The following SCN9A variants were observed in gnomAD, a reference collection of about 807,000 sequenced individuals.
The protein encoded by SCN9A is sodium voltage-gated channel alpha subunit 9.
Under a neutral mutation model 187.0 loss-of-function variants are expected in SCN9A, and 131 were observed. That is an observed-to-expected ratio of 0.70 (90% CI 0.61 to 0.81). The LOEUF is 0.81. Ranked by LOEUF, SCN9A falls within the 30% of genes least tolerant of loss-of-function variation. SCN9A has a pLI of 0.00. For synonymous variants in SCN9A, 809 were observed against 808.6 expected, an observed-to-expected ratio of 1.00 and a Z score of -0.01; for missense variants, 2,252 against 2,396.6, an observed-to-expected ratio of 0.94 and a Z score of 1.26.
intron 11 of SCN9A, among the ~76,000 whole-genome samples, chr2:166,285,487 T>A (rs1170920041): frequency 6.6e-6 from 1 of 152,130 alleles, no homozygotes; most frequent in Non-Finnish European, 1.5e-5. Context: ...ATGGAAAAAG[T>A]ATGGTAAGGT....
At chr2:166,369,553 T>C (rs1199373411) in intron 1 of SCN9A, among the ~76,000 whole-genome samples, 1 of 152,146 alleles carries the variant, frequency 6.6e-6, no homozygotes, top group Non-Finnish European at 1.5e-5. Context: ...AGTTTGTAAA[T>C]GGGGTAACAA....
In SCN9A at chr2:166,277,167, C is replaced by A; in HGVS notation, c.2690G>T (p.Cys897Phe). ...LFGKSYKECV[C>F]KINDDCTLPR... ...GAGCGTACAGTCATCATTGATCTTG[C>A]AGACACATTCTTTGTAGCTCTTACC... The change falls in exon 16 of 27, where the codon TGC (cysteine) becomes TTC (phenylalanine). Residue 897 changes from cysteine to phenylalanine, a missense_variant. Cys to Phe is a radical substitution (Grantham distance 205). This residue lies in a region of SCN9A where 119 missense variants were observed against 188.7 expected (regional missense o/e 0.63). Transcript: ENST00000642356. The A allele has an allele frequency of 6.2e-7, 1 of 1,614,008 alleles. No homozygotes were observed.
intron 17 of SCN9A, among the ~76,000 whole-genome samples, chr2:166,263,311 C>T (rs368964392): frequency 1.3e-5 from 2 of 151,990 alleles, no homozygotes; most frequent in South Asian, 2.1e-4. Context: ...AAACACTTCT[C>T]AGTAAATCTC....
At chr2:166,304,188 A>T in intron 6 of SCN9A, 50 bp downstream of exon 6, 1 of 1,608,418 alleles carries the variant, frequency 6.2e-7, no homozygotes, top group Non-Finnish European at 8.5e-7. Flanking sequence ...ACAACTCCCA[A>T]ATAGTTGGAG....
chr2:166,375,343 G>A (rs1379437840), intron 1 of SCN9A, among the ~76,000 whole-genome samples: 3 of 152,144 alleles, frequency 2.0e-5, no homozygotes, highest in African/African-American at 7.2e-5. Flanking sequence ...TTGAATTGAA[G>A]TCCATCTAAC....
intron 4 of SCN9A, 106 bp downstream of exon 4, chr2:166,306,404 G>A: frequency 1.4e-6 from 1 of 721,826 alleles, no homozygotes; most frequent in Non-Finnish European, 2.5e-6. Context: ...AACATGGGAA[G>A]GTAAAGATTC....
chr2:166,294,629 G>A lies in SCN9A; in HGVS notation c.935C>T (p.Ala312Val). The change falls in exon 8 of 27, where the codon GCT (alanine) becomes GTT (valine). Residue 312 changes from alanine to valine, a missense_variant. Ala to Val is a moderately conservative substitution (Grantham distance 64). Around this residue, in one of 7 missense-constraint regions of SCN9A, gnomAD observed 1,013 missense variants for 997.4 expected, o/e 1.02. Coordinates refer to ENST00000642356, the MANE Select transcript of SCN9A (RefSeq NM_001365536.1). Reference sequence around the variant, plus strand: ...ATCTGTGCTGAAACCACAAAGGAGAGCATCTTTGGATCCTTCCAAGTAATA... The same window carrying A: ...ATCTGTGCTGAAACCACAAAGGAGAACATCTTTGGATCCTTCCAAGTAATA... Reference protein sequence around the residue: ...YFYYLEGSKDALLCGFSTDSG... With the variant: ...YFYYLEGSKDVLLCGFSTDSG... The A allele has an allele frequency of 1.9e-6, 3 of 1,610,398 alleles. No homozygotes were observed. The highest frequency in any genetic ancestry group is 2.5e-6 in the Non-Finnish European group (3 of 1,177,772).
chr2:166,324,981 G>A (rs1263965677), intron 1 of SCN9A, among the ~76,000 whole-genome samples: 2 of 152,138 alleles, frequency 1.3e-5, no homozygotes, highest in East Asian at 1.9e-4. Flanking sequence ...TAATAATGAT[G>A]TATCACATGG....
intron 7 of SCN9A, chr2:166,302,053 G>A (rs1046452795): frequency 6.6e-6 from 1 of 150,934 alleles, no homozygotes; most frequent in Non-Finnish European, 1.5e-5. Context: ...ATAAGAAAAT[G>A]ATGTATATTA....
rs33924683 is a variant in SCN9A, at chr2:166,228,247, C to CTTTTTTTTTTTTTTTTTT, written c.4206+426_4206+443dup. 1.9e-4 allele frequency among the ~76,000 whole-genome samples: 16 copies of CTTTTTTTTTTTTTTTTTT among 85,972 alleles called. 3 individuals are homozygous for CTTTTTTTTTTTTTTTTTT. Among genetic ancestry groups the CTTTTTTTTTTTTTTTTTT allele is most frequent in the African/African-American group, 7.3e-4 (16 of 21,852 alleles). The allele number at this position is 85,972 out of a possible 152,430, so 56.4% of individuals were successfully genotyped here. On this transcript the variant is annotated intron_variant, in intron 22 of 26. Coordinates refer to ENST00000642356, the MANE Select transcript of SCN9A (RefSeq NM_001365536.1). ...GAACATGTTCTAGGAAAGACCAACA[C>CTTTTTTTTTTTTTTTTTT]TTTTTTTTTTTTTTTTTTTTTTTTT... is the stretch of plus-strand genomic sequence containing the variant.
chr2:166,206,356 C>A (rs1017653271), intron 24 of SCN9A, among the ~76,000 whole-genome samples: 1 of 152,096 alleles, frequency 6.6e-6, no homozygotes, highest in African/African-American at 2.4e-5. Context: ...GAGTTCATGT[C>A]CTTTGTAGGG....
intron 1 of SCN9A, among the ~76,000 whole-genome samples, chr2:166,362,130 AG>A (rs949664004): frequency 1.2e-4 from 18 of 152,116 alleles, no homozygotes; most frequent in African/African-American, 4.3e-4. Context: ...TAGCAAAGGA[AG>A]GGGGTAATCT....
chr2:166,304,109 A>T, intron 6 of SCN9A, 129 bp downstream of exon 6: 1 of 1,613,484 alleles, frequency 6.2e-7, no homozygotes, highest in South Asian at 1.1e-5. Flanking sequence ...AGGTCCACAA[A>T]CTCTGTCACA....
chr2:166,268,797 T>C (rs1391674626), intron 17 of SCN9A, among the ~76,000 whole-genome samples: 2 of 151,886 alleles, frequency 1.3e-5, no homozygotes, highest in African/African-American at 2.4e-5. Flanking sequence ...ATACTTAATA[T>C]GACATACTTT....
rs1362857058 is a variant in SCN9A at position 166,242,619 on chromosome 2, T to A, written c.3510A>T (p.Ile1170=). 1 of 1,553,316 alleles carries A rather than the reference T, an allele frequency of 6.4e-7. No individual in the cohort carries two copies. Reference sequence around the variant, plus strand: ...ACCAGATTTTTCCTTTCCCTGACTCTATGTTAACTTGGCAGCATGAGAACC... The same window carrying A: ...ACCAGATTTTTCCTTTCCCTGACTCAATGTTAACTTGGCAGCATGAGAACC... The part of the protein sequence containing the change: ...VWRFSCCQVN[I]ESGKGKIWWN... Residue 1170 remains isoleucine, a synonymous_variant, in exon 19 of 27, where the codon ATA becomes ATT. Coordinates refer to ENST00000642356, the MANE Select transcript of SCN9A (RefSeq NM_001365536.1).
At chr2:166,334,604 G>C (rs556940143) in intron 1 of SCN9A, among the ~76,000 whole-genome samples, 1 of 152,076 alleles carries the variant, frequency 6.6e-6, no homozygotes, top group South Asian at 2.1e-4. Flanking sequence ...CTTTTTATGA[G>C]AAAATTATTA....
In SCN9A at chr2:166,272,628, T is replaced by C; in HGVS notation, c.3122A>G (p.His1041Arg). ...ACCTTTGCTCATTTCAGCAAGTGTA[T>C]GGTTAGAAATATAGTTTTCCTTCTT... ...NTKKENYISN[H>R]TLAEMSKGHN... The change falls in exon 17 of 27, where the codon CAT (histidine) becomes CGT (arginine). Residue 1041 changes from histidine (H) to arginine (R), a missense_variant. Coordinates refer to ENST00000642356, the MANE Select transcript of SCN9A (RefSeq NM_001365536.1). 1 of 1,613,316 alleles carries C rather than the reference T, an allele frequency of 6.2e-7. No homozygotes were observed. Among genetic ancestry groups the C allele is most frequent in the Non-Finnish European group, 8.5e-7 (1 of 1,179,648 alleles).
chr2:166,317,361 A>C (rs1699134137), intron 1 of SCN9A, among the ~76,000 whole-genome samples: 1 of 152,088 alleles, frequency 6.6e-6, no homozygotes, highest in African/African-American at 2.4e-5. Flanking sequence ...TATTAACATT[A>C]CTATGATTGT....
intron 1 of SCN9A, among the ~76,000 whole-genome samples, chr2:166,370,449 A>T (rs1478628709): frequency 1.3e-5 from 2 of 151,622 alleles, no homozygotes; most frequent in Non-Finnish European, 2.9e-5. Flanking sequence ...AGGCTGAGGC[A>T]GGAGAATGGT....
Sources: allele counts gnomAD v4.1 joint callset (sites outside exome capture counted in the v4.1 genomes callset), GRCh38; gene constraint gnomAD v4.1.1; regional missense constraint gnomAD v4.1.1; transcripts MANE v1.5; gene names NCBI Gene and HGNC (gene_info 2026-07-23, HGNC 2026-07-21).